The following RIMKLB variants were observed in gnomAD, a reference collection of about 807,000 sequenced individuals.
RIMKLB encodes the protein beta-citrylglutamate synthase B.
RIMKLB carries 7 observed loss-of-function variants against 32.0 expected under a neutral mutation model. The ratio of observed to expected loss-of-function variants is 0.22; its 90% CI spans 0.12 to 0.41. The LOEUF (loss-of-function observed/expected upper bound fraction) is 0.41. Among genes scored for constraint, RIMKLB ranks in the 10% least tolerant of loss-of-function variants. RIMKLB has a pLI of 1.00. For synonymous variants in RIMKLB, 172 were observed against 185.1 expected, an observed-to-expected ratio of 0.93 and a Z score of 0.57; for missense variants, 289 against 498.7, an observed-to-expected ratio of 0.58 and a Z score of 4.00.
At chr12:8,754,134 A>G (rs750823019) in intron 5 of RIMKLB, 41 bp downstream of exon 5, 2 of 1,425,644 alleles carry the variant, frequency 1.4e-6, no homozygotes, top group Non-Finnish European at 2.0e-6. Flanking sequence ...ATAAAGTAAC[A>G]TTTATAATTG....
intron 2 of RIMKLB, among the ~76,000 whole-genome samples, chr12:8,715,275 A>G (rs1944732571): frequency 7.3e-6 from 1 of 137,706 alleles, no homozygotes; most frequent in African/African-American, 2.9e-5. Context: ...ACCAGGCTGG[A>G]GTGCAGTGGC....
chr12:8,750,325 A>G (rs1329150943), intron 3 of RIMKLB, among the ~76,000 whole-genome samples: 1 of 152,206 alleles, frequency 6.6e-6, no homozygotes, highest in Non-Finnish European at 1.5e-5. Context: ...TTTATAAGCC[A>G]TTAAGTTCTC....
In RIMKLB at chr12:8,774,999, A is replaced by G; in HGVS notation, c.*1215A>G. On this transcript the variant is annotated 3_prime_UTR_variant, in exon 6 of 6. Coordinates refer to ENST00000535829, the MANE Select transcript of RIMKLB (RefSeq NM_001297776.2). Reference sequence around the variant, plus strand: ...CAGAGTTTTTGACTTTAAAAAACAGATGAGTTGTTTTCATAAGTAGACTCC... The same window carrying G: ...CAGAGTTTTTGACTTTAAAAAACAGGTGAGTTGTTTTCATAAGTAGACTCC... The G allele has an allele frequency of 1.0e-6, 1 of 985,630 alleles. No individual in the cohort carries two copies. Among genetic ancestry groups the G allele is most frequent in the Non-Finnish European group, 1.2e-6 (1 of 829,704 alleles). The allele number at this position is 985,630 out of a possible 1,614,324, so 61.1% of individuals were successfully genotyped here.
chr12:8,693,404 T>TC (rs1942789106), upstream of RIMKLB, among the ~76,000 whole-genome samples: 1 of 150,952 alleles, frequency 6.6e-6, no homozygotes, highest in Non-Finnish European at 1.5e-5. Flanking sequence ...TTTCTTTCTT[T>TC]TTTTTTTTTT....
At chr12:8,697,689 T>G (rs1276354058), upstream of RIMKLB, 1 of 300,572 alleles carries the variant, frequency 3.3e-6, no homozygotes, top group Admixed American at 3.4e-5. Context: ...CCCTTTTCGC[T>G]CCCCGCGCGC....
chr12:8,737,292 A>G (rs1363931784), intron 2 of RIMKLB, among the ~76,000 whole-genome samples: 7 of 135,218 alleles, frequency 5.2e-5, no homozygotes, highest in Non-Finnish European at 1.1e-4. Flanking sequence ...ACATTTTTGT[A>G]GAGTACAAGT....
intron 5 of RIMKLB, among the ~76,000 whole-genome samples, chr12:8,756,947 G>T (rs1197335638): frequency 6.6e-6 from 1 of 151,954 alleles, no homozygotes; most frequent in Non-Finnish European, 1.5e-5. Context: ...CTCCCAAATT[G>T]CTGGAAGCCA....
At chr12:8,733,058 T>C (rs979504213) in intron 2 of RIMKLB, among the ~76,000 whole-genome samples, 2 of 152,196 alleles carry the variant, frequency 1.3e-5, no homozygotes, top group Non-Finnish European at 2.9e-5. Context: ...ACCCAATATT[T>C]AGTATGGCTG....
At chr12:8,763,496 A>G (rs1186764330) in intron 5 of RIMKLB, among the ~76,000 whole-genome samples, 2 of 152,234 alleles carry the variant, frequency 1.3e-5, no homozygotes, top group African/African-American at 4.8e-5. Flanking sequence ...GAAGCCTGTT[A>G]TGCCACGGAA....
rs16917746 is a variant in RIMKLB at position 8,751,888 on chromosome 12, C to T, written c.407-69C>T. On this transcript the variant is annotated intron_variant, in intron 3 of 5. Coordinates refer to ENST00000535829, the MANE Select transcript of RIMKLB (RefSeq NM_001297776.2). ...TCCTTGTGCTGTTGGTTGTCTTTAG[C>T]GTTGATAAAATTGATCACAAAATAC... The T allele has an allele frequency of 0.022, 21,457 of 996,880 alleles. 2,331 individuals carry two copies. The African/African-American group carries it at 0.26, about 12-fold the overall frequency. The allele number at this position is 996,880 out of a possible 1,614,324, so 61.8% of individuals were successfully genotyped here. A position where few individuals can be genotyped will look rare whatever the true frequency, so the allele number is the denominator to read the frequency against.
At chr12:8,704,251 T>C (rs750059155) in intron 1 of RIMKLB, among the ~76,000 whole-genome samples, 5 of 151,952 alleles carry the variant, frequency 3.3e-5, no homozygotes, top group Non-Finnish European at 5.9e-5. Flanking sequence ...GGTGTGGCGG[T>C]GTGTGCTTGT....
downstream of RIMKLB, chr12:8,780,348 CTTTCTACTTTT>C (rs1950960706): frequency 6.7e-6 from 1 of 149,652 alleles, no homozygotes; most frequent in South Asian, 2.1e-4. Flanking sequence ...TTACCACTTT[CTTTCTACTTTT>C]TTTGGAAATT....
chr12:8,729,773 C>T (rs1442846482), intron 2 of RIMKLB, among the ~76,000 whole-genome samples: 1 of 152,030 alleles, frequency 6.6e-6, no homozygotes, highest in Non-Finnish European at 1.5e-5. Context: ...ACCTAATAGT[C>T]CATTTTATGT....
intron 2 of RIMKLB, among the ~76,000 whole-genome samples, chr12:8,715,695 G>T (rs1197491227): frequency 6.6e-6 from 1 of 152,104 alleles, no homozygotes; most frequent in Non-Finnish European, 1.5e-5. Flanking sequence ...TATTATTTGA[G>T]CATTTACTAT....
chr12:8,715,484 A>T (rs751428259), intron 2 of RIMKLB, among the ~76,000 whole-genome samples: 1 of 152,204 alleles, frequency 6.6e-6, no homozygotes, highest in African/African-American at 2.4e-5. Context: ...TCGGCTTCCA[A>T]AAGTGCTGAG....
intron 1 of RIMKLB, among the ~76,000 whole-genome samples, chr12:8,701,697 G>A (rs1224616392): frequency 6.8e-6 from 1 of 146,732 alleles, no homozygotes. Flanking sequence ...TAGGAATTTT[G>A]GATAGCTACA....
At chr12:8,710,307 C>CTT (rs762963381) in intron 1 of RIMKLB, among the ~76,000 whole-genome samples, 32 of 125,580 alleles carry the variant, frequency 2.5e-4, no homozygotes, top group East Asian at 8.8e-4. Flanking sequence ...TTGTTTCCTT[C>CTT]TTTTTTTTTT....
chr12:8,767,032 G>C (rs1370683536), intron 5 of RIMKLB, among the ~76,000 whole-genome samples: 6 of 152,218 alleles, frequency 3.9e-5, no homozygotes, highest in Admixed American at 1.3e-4. Context: ...TTGATAGGAA[G>C]GCTACGGAGT....
At chr12:8,671,171 G>A in the RIMKLB span, among the ~76,000 whole-genome samples, 3 of 152,126 alleles carry the variant, frequency 2.0e-5, no homozygotes, top group Non-Finnish European at 2.9e-5. Context: ...CATGGTCTTG[G>A]GGCTTATAGG....
Sources: gnomAD v4.1 joint callset for allele counts (sites outside exome capture counted in the v4.1 genomes callset) on GRCh38, gnomAD v4.1.1 for gene constraint, MANE v1.5 for transcripts, NCBI Gene and HGNC (gene_info 2026-07-23, HGNC 2026-07-21) for gene names.